The following ZFHX3 variants were observed in gnomAD, a reference collection of about 807,000 sequenced individuals.
ZFHX3 encodes the protein zinc finger homeobox 3.
A neutral mutation model predicts 279.1 loss-of-function variants in ZFHX3; 42 were observed. The observed-to-expected ratio is 0.15, with a 90% confidence interval of 0.12 to 0.19. The LOEUF is 0.19. Ranked by LOEUF, ZFHX3 falls within the 10% of genes least tolerant of loss-of-function variation. ZFHX3 has a pLI of 1.00. For synonymous variants in ZFHX3, 2,293 were observed against 1,957.8 expected, an observed-to-expected ratio of 1.17 and a Z score of -4.52; for missense variants, 4,981 against 4,754.0, an observed-to-expected ratio of 1.05 and a Z score of -1.40.
chr16:72,848,635 G>C (rs1303106345), intron 4 of ZFHX3, among the ~76,000 whole-genome samples: 103 of 141,260 alleles, frequency 7.3e-4, no homozygotes, highest in Middle Eastern at 3.5e-3. Flanking sequence ...ATCACCCTGT[G>C]CCCCCCCTCC....
chr16:72,813,902 G>A (rs1328424147), intron 5 of ZFHX3, among the ~76,000 whole-genome samples: 6 of 152,164 alleles, frequency 3.9e-5, no homozygotes, highest in African/African-American at 1.4e-4. Flanking sequence ...CTTGCAGTGT[G>A]ATGGGCCGCT....
At chr16:72,837,745 G>A (rs756750723) in intron 4 of ZFHX3, among the ~76,000 whole-genome samples, 1 of 151,512 alleles carries the variant, frequency 6.6e-6, no homozygotes, top group Non-Finnish European at 1.5e-5. Flanking sequence ...AACTACAGGT[G>A]CACTCCACCA....
intron 5 of ZFHX3, among the ~76,000 whole-genome samples, chr16:72,824,808 G>T (rs796111305): frequency 1.3e-4 from 20 of 152,298 alleles, no homozygotes; most frequent in African/African-American, 4.8e-4. Context: ...TCATTGCTCA[G>T]TTGCTGACAC....
chr16:73,689,239 C>T (rs2053122349), intron 1 of ZFHX3, among the ~76,000 whole-genome samples: 1 of 152,192 alleles, frequency 6.6e-6, no homozygotes, highest in African/African-American at 2.4e-5. Context: ...AGTTCTATGT[C>T]ACTATCAGGG....
At chr16:73,112,489 G>C (rs2144800102) in intron 7 of ZFHX3, among the ~76,000 whole-genome samples, 1 of 152,036 alleles carries the variant, frequency 6.6e-6, no homozygotes, top group Non-Finnish European at 1.5e-5. Context: ...GAGGTGGGTG[G>C]ATCACCTGAG....
At chr16:72,851,559 A>G (rs1226068881) in intron 4 of ZFHX3, among the ~76,000 whole-genome samples, 1 of 146,838 alleles carries the variant, frequency 6.8e-6, no homozygotes, top group African/African-American at 2.5e-5. Flanking sequence ...TTCCAATTTC[A>G]CTTTTTTTTT....
At chr16:72,997,300 C>G (rs978902466) in intron 1 of ZFHX3, among the ~76,000 whole-genome samples, 7 of 152,130 alleles carry the variant, frequency 4.6e-5, no homozygotes, top group African/African-American at 1.2e-4. Flanking sequence ...CTTGAACAAC[C>G]GGATTCTGAG....
chr16:73,695,600 A>G (rs369000679), intron 1 of ZFHX3, among the ~76,000 whole-genome samples: 1 of 152,338 alleles, frequency 6.6e-6, no homozygotes. Flanking sequence ...AGAAAAGGGT[A>G]TACGTTTAGG....
chr16:73,384,401 T>G (rs9931898), intron 3 of ZFHX3, among the ~76,000 whole-genome samples: 76,377 of 152,110 alleles, frequency 0.5, 19,836 homozygotes, highest in African/African-American at 0.61. Flanking sequence ...AGGTCTGAGG[T>G]GAGGTCAAGG....
intron 2 of ZFHX3, among the ~76,000 whole-genome samples, chr16:73,481,540 C>A: frequency 6.9e-6 from 1 of 145,360 alleles, no homozygotes. Flanking sequence ...CTCAGGTGAT[C>A]CCCCCTACCC....
chr16:72,966,939 G>C (rs1309897041), intron 1 of ZFHX3, among the ~76,000 whole-genome samples: 1 of 152,196 alleles, frequency 6.6e-6, no homozygotes, highest in Non-Finnish European at 1.5e-5. Context: ...AGGGGATTGT[G>C]CTATGGCCAG....
At chr16:72,994,325 T>C (rs541734960) in intron 1 of ZFHX3, among the ~76,000 whole-genome samples, 1 of 152,352 alleles carries the variant, frequency 6.6e-6, no homozygotes, top group South Asian at 2.1e-4. Flanking sequence ...GCTCAGGTTA[T>C]ATTTAAGTCG....
At position 72,795,917 on chromosome 16, in the gene ZFHX3, C is replaced by T. The variant is rs1597239407; in HGVS notation, c.6765G>A (p.Arg2255=). 2 of 1,614,076 alleles carry T rather than the reference C, an allele frequency of 1.2e-6. No homozygotes were observed. The highest frequency in any genetic ancestry group is 1.6e-4 in the Middle Eastern group (1 of 6,062). Residue 2255 remains arginine (R), a synonymous_variant, in exon 9 of 10, where the codon AGG becomes AGA. Transcript: ENST00000268489. The part of the protein sequence containing the change: ...SRTRFTDYQL[R]VLQDFFDANA... ...TGGCATCGAAGAAGTCCTGTAAGAC[C>T]CTCAGCTGGTAGTCCGTAAACCTTG...
chr16:73,631,201 C>T lies in ZFHX3; in HGVS notation c.-1547+48979G>A, dbSNP rs143618644. 1.9e-3 allele frequency among the ~76,000 whole-genome samples: 283 copies of T among 152,312 alleles called. 2 individuals carry two copies. The highest frequency in any genetic ancestry group is 6.8e-3 in the Middle Eastern group (2 of 294). On this transcript the variant is annotated intron_variant, in intron 2 of 17. Coordinates refer to the ZFHX3 transcript ENST00000641206. ...GAATTTTACCCACCTCCTTGAGTAT[C>T]TATATGTAAAGGCTCTGAAACTAAC...
chr16:73,600,101 T>G (rs1378838163), intron 2 of ZFHX3, among the ~76,000 whole-genome samples: 5 of 152,192 alleles, frequency 3.3e-5, no homozygotes, highest in Non-Finnish European at 7.3e-5. Flanking sequence ...TCTGAGATGT[T>G]CTTTGTATCA....
rs8048752 is a variant in ZFHX3, at chr16:73,447,138, G to A, written c.-1291+8865C>T. ...GGAGCTTGCAGTCAGCCGAGATCAC[G>A]CCACTGCACTCCAGCCTGGGCAACA... On this transcript the variant is annotated intron_variant, in intron 3 of 17. Transcript: ENST00000641206. 3.9e-3 allele frequency among the ~76,000 whole-genome samples: 576 copies of A among 146,318 alleles called. 1 individual carries two copies. The highest frequency in any genetic ancestry group is 0.014 in the African/African-American group (531 of 39,166).
chr16:72,847,215 C>T (rs1438824325), intron 4 of ZFHX3, among the ~76,000 whole-genome samples: 1 of 152,174 alleles, frequency 6.6e-6, no homozygotes, highest in African/African-American at 2.4e-5. Context: ...CTTCCTAGTA[C>T]AAAATGAATT....
intron 3 of ZFHX3, among the ~76,000 whole-genome samples, chr16:73,438,890 G>C (rs906620572): frequency 6.6e-6 from 1 of 152,202 alleles, no homozygotes; most frequent in Non-Finnish European, 1.5e-5. Flanking sequence ...AATAGCAAGA[G>C]AAGCGACAGC....
chr16:73,705,338 C>T (rs895158628), intron 1 of ZFHX3, among the ~76,000 whole-genome samples: 6 of 152,194 alleles, frequency 3.9e-5, no homozygotes, highest in Admixed American at 2.6e-4. Flanking sequence ...TCTCCCAATG[C>T]GGGGGTTCAA....
Sources: allele counts gnomAD v4.1 joint callset (sites outside exome capture counted in the v4.1 genomes callset), GRCh38; gene constraint gnomAD v4.1.1; transcripts MANE v1.5; gene names NCBI Gene and HGNC (gene_info 2026-07-23, HGNC 2026-07-21).